HPSE2: variants seen among roughly 807,000 people sequenced by gnomAD.
HPSE2 encodes inactive heparanase-2.
In HPSE2, 38 loss-of-function variants were observed where a neutral mutation model predicts 60.5. That is an observed-to-expected ratio of 0.63 (90% confidence interval 0.48 to 0.82). HPSE2 has a LOEUF of 0.82. Among genes scored for constraint, HPSE2 ranks in the 40% least tolerant of loss-of-function variants. The probability of loss-of-function intolerance (pLI) is 0.00; values close to 1 mark genes in which losing one functional copy is unlikely to be tolerated. For missense variants in HPSE2, 713 were observed against 740.4 expected (o/e 0.96, Z 0.43); for synonymous variants, 295 against 293.2 (o/e 1.01, Z -0.06).
rs551194828 is a variant in HPSE2 at position 98,541,748 on chromosome 10, T to C, written c.1321-51552A>G. Reference sequence around the variant, plus strand: ...AGCAGTCTGAGATCAAACTGCAAGGTGGCAGCGAGGCTGGGGGAGGGGCAC... The same window carrying C: ...AGCAGTCTGAGATCAAACTGCAAGGCGGCAGCGAGGCTGGGGGAGGGGCAC... On this transcript the variant is annotated intron_variant, in intron 9 of 11. Coordinates refer to ENST00000370552, the MANE Select transcript of HPSE2 (RefSeq NM_021828.5). 3.5e-5 allele frequency among the ~76,000 whole-genome samples: 5 copies of C among 143,746 alleles called. No individual in the cohort carries two copies. In the East Asian group the frequency reaches 8.1e-4, roughly 23 times the overall value. The allele number at this position is 143,746 out of a possible 152,430, so 94.3% of individuals were successfully genotyped here. A position where few individuals can be genotyped will look rare whatever the true frequency, so the allele number is the denominator to read the frequency against.
chr10:99,026,650 T>A (rs1392645103), intron 3 of HPSE2, among the ~76,000 whole-genome samples: 3 of 152,120 alleles, frequency 2.0e-5, no homozygotes, highest in African/African-American at 7.2e-5. Context: ...AACATTTTAT[T>A]CAACAGCTGC....
At chr10:98,815,801 A>G (rs552813380) in intron 3 of HPSE2, among the ~76,000 whole-genome samples, 26 of 152,086 alleles carry the variant, frequency 1.7e-4, no homozygotes, top group Admixed American at 1.7e-3. Context: ...TCTTCTCCCT[A>G]TCGTTCTATG....
chr10:99,296,967 T>A, the HPSE2 span, among the ~76,000 whole-genome samples: 1 of 152,086 alleles, frequency 6.6e-6, no homozygotes, highest in East Asian at 1.9e-4. Flanking sequence ...TGGATGGCAA[T>A]TGACGAGATG....
intron 2 of HPSE2, 52 bp downstream of exon 2, chr10:99,232,296 G>C: frequency 9.1e-6 from 14 of 1,535,642 alleles, no homozygotes; most frequent in Non-Finnish European, 1.2e-5. Context: ...CACAAACACA[G>C]CGGGTGCTTG....
intron 3 of HPSE2, among the ~76,000 whole-genome samples, chr10:98,982,863 T>C (rs568032018): frequency 6.6e-5 from 10 of 152,356 alleles, no homozygotes; most frequent in African/African-American, 2.4e-4. Flanking sequence ...AGTCTCGAGT[T>C]TGAACTATGT....
intron 7 of HPSE2, among the ~76,000 whole-genome samples, chr10:98,628,657 G>A (rs137856347): frequency 0.012 from 1,768 of 152,256 alleles, 21 homozygotes; most frequent in Non-Finnish European, 0.016. Context: ...GGTCAAGGGG[G>A]CTTTCAGGTA....
Position 98,934,391 on chromosome 10 carries a change from T to C in HPSE2, c.611-190335A>G, listed in dbSNP as rs950383910. ...AGTGTCATTGGTCTGTGTACTTCAGTGTGTTTTTGTAGTGGCTAGTAATGG... is the reference window on the plus strand; with the variant it reads ...AGTGTCATTGGTCTGTGTACTTCAGCGTGTTTTTGTAGTGGCTAGTAATGG... On this transcript the variant is annotated intron_variant, in intron 3 of 11. Coordinates refer to ENST00000370552, the MANE Select transcript of HPSE2 (RefSeq NM_021828.5). 1.3e-4 allele frequency among the ~76,000 whole-genome samples: 19 copies of C among 144,630 alleles called. 2 individuals are homozygous for C. Among genetic ancestry groups the C allele is most frequent in the Admixed American group, 2.1e-4 (3 of 14,606 alleles). 94.9% of individuals were successfully genotyped at this position (144,630 alleles called of 152,430 possible).
intron 3 of HPSE2, among the ~76,000 whole-genome samples, chr10:99,096,817 G>A (rs1260972151): frequency 6.6e-6 from 1 of 152,062 alleles, no homozygotes; most frequent in Non-Finnish European, 1.5e-5. Flanking sequence ...TCATGATATG[G>A]GACTTTCTAT....
At chr10:98,484,229 T>G (rs1426078022) in intron 10 of HPSE2, among the ~76,000 whole-genome samples, 4 of 151,994 alleles carry the variant, frequency 2.6e-5, no homozygotes, top group Non-Finnish European at 4.4e-5. Context: ...TTCCTTCCTT[T>G]TTTCTTTCCT....
At chr10:98,917,077 C>T (rs761779993) in intron 3 of HPSE2, among the ~76,000 whole-genome samples, 6 of 151,978 alleles carry the variant, frequency 3.9e-5, no homozygotes, top group South Asian at 4.2e-4. Flanking sequence ...CTGGGTTTTT[C>T]GATTCTTGCT....
chr10:99,292,635 TTAAA>T, the HPSE2 span, among the ~76,000 whole-genome samples: 2 of 152,238 alleles, frequency 1.3e-5, no homozygotes, highest in African/African-American at 4.8e-5. Flanking sequence ...TTTTAAAAGG[TTAAA>T]TAAATGGATA....
chr10:99,000,215 G>C (rs148326194), intron 3 of HPSE2, among the ~76,000 whole-genome samples: 150 of 152,208 alleles, frequency 9.9e-4, no homozygotes, highest in African/African-American at 3.3e-3. Context: ...TCAAATGTCA[G>C]ACCCAGACAA....
At chr10:98,555,770 C>T (rs1367705732) in intron 9 of HPSE2, among the ~76,000 whole-genome samples, 1 of 152,136 alleles carries the variant, frequency 6.6e-6, no homozygotes, top group South Asian at 2.1e-4. Context: ...CTTAATTCTC[C>T]TCTTTCGAAA....
rs1235686255 is a variant in HPSE2 at position 98,738,763 on chromosome 10, CACA to C, written c.784+5117_784+5119del. Reference sequence around the variant, plus strand: ...TCATTAGAGAAATGCAAATCAAAACCACAACAAGATACTATTTCATGCCAGTTA... The same window carrying C: ...TCATTAGAGAAATGCAAATCAAAACCACAAGATACTATTTCATGCCAGTTA... On this transcript the variant is annotated intron_variant, in intron 4 of 11. Coordinates refer to ENST00000370552, the MANE Select transcript of HPSE2 (RefSeq NM_021828.5). 3.9e-5 allele frequency among the ~76,000 whole-genome samples: 6 copies of C among 152,218 alleles called. No individual in the cohort carries two copies. In the East Asian group the frequency reaches 5.8e-4, roughly 15 times the overall value.
chr10:98,918,462 A>T (rs1014190354), intron 3 of HPSE2, among the ~76,000 whole-genome samples: 13 of 151,646 alleles, frequency 8.6e-5, no homozygotes, highest in Non-Finnish European at 1.6e-4. Context: ...GGATTAAGAA[A>T]ATGTGGCACA....
chr10:99,180,889 CAAAAAAAAAA>C (rs68033581), intron 2 of HPSE2, among the ~76,000 whole-genome samples: 11 of 29,690 alleles, frequency 3.7e-4, no homozygotes, highest in African/African-American at 2.2e-3. Flanking sequence ...GACTCCATCT[CAAAAAAAAAA>C]AAAAAAAAAA....
rs560289933 is a variant in HPSE2, at chr10:98,571,940, C to CTTTCTTTTTTTTTTT, written c.1320+42963_1320+42964insAAAAAAAAAAAGAAA. On this transcript the variant is annotated intron_variant, in intron 9 of 11. Transcript: ENST00000370552. The stretch of plus-strand genomic sequence containing the variant: ...AATTCAGAGCAAGAGAATTCCTTTT[C>CTTTCTTTTTTTTTTT]TTTTTTTTTTTTTTTTGAGACGGAG... 1.4e-5 allele frequency among the ~76,000 whole-genome samples: 2 copies of CTTTCTTTTTTTTTTT among 140,728 alleles called. 1 individual carries two copies. The allele number at this position is 140,728 out of a possible 152,430, so 92.3% of individuals were successfully genotyped here.
the HPSE2 span, among the ~76,000 whole-genome samples, chr10:99,256,496 C>A: frequency 1.3e-4 from 19 of 149,156 alleles, no homozygotes; most frequent in East Asian, 3.8e-3. Flanking sequence ...TTATAAATTA[C>A]CCAGTCTGAT....
chr10:99,183,388 G>A (rs1431589476), intron 2 of HPSE2, among the ~76,000 whole-genome samples: 1 of 152,132 alleles, frequency 6.6e-6, no homozygotes, highest in Non-Finnish European at 1.5e-5. Flanking sequence ...GTACACAGTT[G>A]TTTTTGGATA....
Sources: allele counts gnomAD v4.1 joint callset (sites outside exome capture counted in the v4.1 genomes callset), GRCh38; gene constraint gnomAD v4.1.1; transcripts MANE v1.5; gene names NCBI Gene and HGNC (gene_info 2026-07-23, HGNC 2026-07-21).